ASTN2: variants seen among roughly 807,000 people sequenced by gnomAD.
ASTN2 encodes astrotactin 2.
ASTN2 carries 54 observed loss-of-function variants against 139.8 expected under a neutral mutation model. The ratio of observed to expected loss-of-function variants is 0.39; its 90% CI spans 0.31 to 0.48. The LOEUF is 0.48. Among genes scored for constraint, ASTN2 ranks in the 20% least tolerant of loss-of-function variants. ASTN2 has a pLI of 0.95. For missense variants in ASTN2, 1,565 were observed against 1,725.1 expected, an observed-to-expected ratio of 0.91 and a Z score of 1.64; for synonymous variants, 756 against 719.5, an observed-to-expected ratio of 1.05 and a Z score of -0.81.
At chr9:116,869,221 T>C (rs1305724838) in intron 10 of ASTN2, among the ~76,000 whole-genome samples, 1 of 151,994 alleles carries the variant, frequency 6.6e-6, no homozygotes, top group African/African-American at 2.4e-5. Flanking sequence ...ACAGCATTAG[T>C]TGGGTTTAGG....
chr9:116,690,390 C>A (rs947291289), intron 16 of ASTN2, among the ~76,000 whole-genome samples: 14 of 152,214 alleles, frequency 9.2e-5, no homozygotes, highest in African/African-American at 2.9e-4. Context: ...TTCTGTCTTA[C>A]ACCTATGTTA....
At chr9:117,364,681 C>A (rs941795845) in intron 1 of ASTN2, among the ~76,000 whole-genome samples, 2 of 152,010 alleles carry the variant, frequency 1.3e-5, no homozygotes, top group East Asian at 1.9e-4. Flanking sequence ...TAGTTTATAA[C>A]CCTGAGAAAA....
At chr9:116,530,890 C>G (rs1851313676) in intron 19 of ASTN2, among the ~76,000 whole-genome samples, 1 of 152,152 alleles carries the variant, frequency 6.6e-6, no homozygotes, top group Non-Finnish European at 1.5e-5. Flanking sequence ...GGGACCATTT[C>G]TCTTTTTATT....
intron 10 of ASTN2, among the ~76,000 whole-genome samples, chr9:116,918,078 A>G (rs76644901): frequency 1.3e-4 from 20 of 152,250 alleles, no homozygotes; most frequent in African/African-American, 4.6e-4. Context: ...TCTTGCCGCC[A>G]CCATGTAAGA....
intron 16 of ASTN2, among the ~76,000 whole-genome samples, chr9:116,715,988 G>A (rs1289839488): frequency 6.6e-6 from 1 of 152,106 alleles, no homozygotes; most frequent in Non-Finnish European, 1.5e-5. Flanking sequence ...TTCCCTCCAG[G>A]CCATTTTGTT....
intron 4 of ASTN2, among the ~76,000 whole-genome samples, chr9:117,127,779 C>G (rs1829729676): frequency 7.1e-6 from 1 of 140,322 alleles, no homozygotes; most frequent in Non-Finnish European, 1.5e-5. Context: ...CTCCCGGGTT[C>G]ACGCCATTCT....
At chr9:116,949,933 T>C (rs1835510323) in intron 10 of ASTN2, among the ~76,000 whole-genome samples, 1 of 152,226 alleles carries the variant, frequency 6.6e-6, no homozygotes, top group Non-Finnish European at 1.5e-5. Context: ...TAGACCACTG[T>C]CTAGCATATG....
chr9:117,080,622 C>T (rs1444400347), intron 5 of ASTN2, among the ~76,000 whole-genome samples: 1 of 152,034 alleles, frequency 6.6e-6, no homozygotes, highest in Non-Finnish European at 1.5e-5. Context: ...TTTTCTATGT[C>T]CCTTTAGTAG....
At chr9:116,890,129 AG>A (rs571320001) in intron 10 of ASTN2, among the ~76,000 whole-genome samples, 1 of 152,218 alleles carries the variant, frequency 6.6e-6, no homozygotes. Context: ...GCAACCAGGC[AG>A]GGGGAGCGAG....
intron 16 of ASTN2, among the ~76,000 whole-genome samples, chr9:116,662,590 A>T (rs1016861343): frequency 6.6e-6 from 1 of 152,140 alleles, no homozygotes; most frequent in Non-Finnish European, 1.5e-5. Flanking sequence ...ATAAAAAAAT[A>T]ATGTAGGGTC....
chr9:117,156,130 C>A (rs1830427677), intron 3 of ASTN2, among the ~76,000 whole-genome samples: 1 of 152,032 alleles, frequency 6.6e-6, no homozygotes, highest in Non-Finnish European at 1.5e-5. Flanking sequence ...AGCACCACTT[C>A]TAATATTAAT....
At chr9:117,058,431 A>C (rs548841015) in intron 5 of ASTN2, among the ~76,000 whole-genome samples, 42 of 152,276 alleles carry the variant, frequency 2.8e-4, no homozygotes, top group Non-Finnish European at 5.9e-4. Flanking sequence ...AGTCCTTTGC[A>C]GGGAATATTA....
chr9:117,190,440 T>G (rs1010185655), intron 3 of ASTN2, among the ~76,000 whole-genome samples: 2 of 152,152 alleles, frequency 1.3e-5, no homozygotes, highest in African/African-American at 4.8e-5. Context: ...TCACTCCTTC[T>G]CAGTTTGGCC....
intron 2 of ASTN2, among the ~76,000 whole-genome samples, chr9:117,247,393 G>A (rs1213061588): frequency 4.6e-5 from 7 of 152,278 alleles, no homozygotes; most frequent in African/African-American, 1.7e-4. Context: ...GAAGTCCCCA[G>A]GAATGGGAGA....
At chr9:116,960,346 T>C (rs894276979) in intron 10 of ASTN2, among the ~76,000 whole-genome samples, 1 of 152,220 alleles carries the variant, frequency 6.6e-6, no homozygotes, top group African/African-American at 2.4e-5. Context: ...GCTTAGACTA[T>C]GCATGCCAGC....
intron 17 of ASTN2, among the ~76,000 whole-genome samples, chr9:116,638,557 G>A (rs957520413): frequency 2.7e-5 from 4 of 149,526 alleles, no homozygotes; most frequent in African/African-American, 7.3e-5. Flanking sequence ...CATCAAGCCC[G>A]ATCAAGCCTC....
chr9:116,655,023 A>G (rs1314075127), intron 16 of ASTN2, among the ~76,000 whole-genome samples: 1 of 152,246 alleles, frequency 6.6e-6, no homozygotes, highest in Non-Finnish European at 1.5e-5. Context: ...GCACCACAGT[A>G]GCAGTATAGA....
At chr9:116,704,596 A>G (rs976262390) in intron 16 of ASTN2, among the ~76,000 whole-genome samples, 4 of 152,216 alleles carry the variant, frequency 2.6e-5, no homozygotes, top group African/African-American at 9.6e-5. Flanking sequence ...CCTTCCCTTC[A>G]TGGTGAGTTG....
chr9:116,514,115 T>C (rs1396739095), intron 19 of ASTN2, among the ~76,000 whole-genome samples: 1 of 151,962 alleles, frequency 6.6e-6, no homozygotes. Context: ...TCTGTTTTTT[T>C]CCCCATCTTT....
Sources: gnomAD v4.1 joint callset for allele counts (sites outside exome capture counted in the v4.1 genomes callset) on GRCh38, gnomAD v4.1.1 for gene constraint, MANE v1.5 for transcripts, NCBI Gene and HGNC (gene_info 2026-07-23, HGNC 2026-07-21) for gene names.